The following AP1S3 variants were observed in gnomAD, a reference collection of about 807,000 sequenced individuals.
AP1S3 encodes the protein AP-1 complex subunit sigma-3.
A neutral mutation model predicts 20.9 loss-of-function variants in AP1S3; 10 were observed. That is an observed-to-expected ratio of 0.48 (90% CI 0.29 to 0.81). AP1S3 has a LOEUF of 0.81. Among genes scored for constraint, AP1S3 ranks in the 30% least tolerant of loss-of-function variants. The probability of loss-of-function intolerance (pLI) is 0.08; values close to 1 mark genes in which losing one functional copy is unlikely to be tolerated. For missense variants in AP1S3, 154 were observed against 183.8 expected (o/e 0.84, Z 0.94); for synonymous variants, 41 against 61.5 (o/e 0.67, Z 1.56).
At chr2:223,829,846 CAAAAAAAAA>C (rs747229566) in intron 1 of AP1S3, among the ~76,000 whole-genome samples, 1 of 125,418 alleles carries the variant, frequency 8.0e-6, no homozygotes. Flanking sequence ...CAAAAAAAAA[CAAAAAAAAA>C]ACAAAAAAAC....
chr2:223,835,275 C>T lies in AP1S3; in HGVS notation c.3+2173G>A, dbSNP rs78535385. 9.8e-5 allele frequency among the ~76,000 whole-genome samples: 15 copies of T among 152,336 alleles called. No homozygotes were observed. In the East Asian group the frequency reaches 2.9e-3, roughly 29 times the overall value. ...AATGCAATGAGCATAACAGATTTAA[C>T]CTCAATTGTTTGTTGCAAGGATTGA... On this transcript the variant is annotated intron_variant, in intron 1 of 4. Coordinates refer to ENST00000396654, the MANE Select transcript of AP1S3 (RefSeq NM_001039569.2).
At chr2:223,773,491 C>A in intron 3 of AP1S3, 2 of 901,132 alleles carry the variant, frequency 2.2e-6, no homozygotes, top group Non-Finnish European at 3.0e-6. Flanking sequence ...CTTGGTATAC[C>A]AAGAGGAGAA....
intron 1 of AP1S3, among the ~76,000 whole-genome samples, chr2:223,832,143 G>C (rs1179927702): frequency 0.012 from 763 of 66,156 alleles, 31 homozygotes; most frequent in African/African-American, 0.038. Context: ...CTCTGTGTGT[G>C]TGTGTGTGTG....
At position 223,755,765 on chromosome 2, in the gene AP1S3, A is replaced by G; in HGVS notation, c.*2950T>C. 2.3e-6 allele frequency: 2 copies of G among 857,928 alleles called. No individual in the cohort carries two copies. The highest frequency in any genetic ancestry group is 5.3e-5 in the South Asian group (1 of 18,774). 53.1% of individuals were successfully genotyped at this position (857,928 alleles called of 1,614,324 possible). On this transcript the variant is annotated 3_prime_UTR_variant, in exon 5 of 5. Coordinates refer to ENST00000396654, the MANE Select transcript of AP1S3 (RefSeq NM_001039569.2). ...AGGCTGGTCTCGAACTCCTGACCTC[A>G]GGTGATCTGCCGCCTTGACCTCCCA... is the stretch of plus-strand genomic sequence containing the variant.
At chr2:223,785,420 A>G (rs991441653) in intron 1 of AP1S3, among the ~76,000 whole-genome samples, 1 of 152,236 alleles carries the variant, frequency 6.6e-6, no homozygotes, top group Non-Finnish European at 1.5e-5. Context: ...TTGCAAAAAA[A>G]GATTACATGA....
intron 1 of AP1S3, among the ~76,000 whole-genome samples, chr2:223,809,559 G>A (rs1440416318): frequency 1.3e-5 from 2 of 151,510 alleles, no homozygotes; most frequent in Admixed American, 6.6e-5. Context: ...GCAGAGAATT[G>A]CTTGAACCCG....
At chr2:223,782,357 C>G (rs866716003) in intron 1 of AP1S3, among the ~76,000 whole-genome samples, 1 of 152,080 alleles carries the variant, frequency 6.6e-6, no homozygotes, top group Non-Finnish European at 1.5e-5. Context: ...ACAAAATAAA[C>G]CCAGTTTTAT....
In AP1S3 at chr2:223,759,297, G is replaced by A. The variant is rs79072358; in HGVS notation, c.430-547C>T. On this transcript the variant is annotated intron_variant, in intron 4 of 4. Coordinates refer to ENST00000396654, the MANE Select transcript of AP1S3 (RefSeq NM_001039569.2). ...CCGTCTCAAAAACAAAAAAAAAAAAGAGAGAGAGAGAGAGATTGAAATGCT... is the reference window on the plus strand; with the variant it reads ...CCGTCTCAAAAACAAAAAAAAAAAAAAGAGAGAGAGAGAGATTGAAATGCT... Among the ~76,000 whole-genome samples, 60 of 139,122 alleles carry A rather than the reference G, an allele frequency of 4.3e-4. 1 individual carries two copies. Among genetic ancestry groups the A allele is most frequent in the African/African-American group, 1.2e-3 (45 of 39,044 alleles). 91.3% of individuals were successfully genotyped at this position (139,122 alleles called of 152,430 possible).
chr2:223,776,192 T>C, intron 2 of AP1S3, 183 bp from the exon 3 acceptor site: 1 of 693,674 alleles, frequency 1.4e-6, no homozygotes, highest in Non-Finnish European at 2.7e-6. Context: ...GAAAATTCTG[T>C]GGGGGTTGGA....
chr2:223,776,820 G>C (rs1276691535), intron 2 of AP1S3, among the ~76,000 whole-genome samples: 1 of 152,124 alleles, frequency 6.6e-6, no homozygotes, highest in Non-Finnish European at 1.5e-5. Flanking sequence ...ATCTAGATTT[G>C]AATCCTGGCT....
intron 3 of AP1S3, among the ~76,000 whole-genome samples, chr2:223,767,246 T>A (rs1690508248): frequency 6.6e-6 from 1 of 152,092 alleles, no homozygotes; most frequent in Admixed American, 6.5e-5. Context: ...CGTTTACCTC[T>A]CAGCCACATG....
chr2:223,817,924 A>G (rs993525759), intron 1 of AP1S3, among the ~76,000 whole-genome samples: 6 of 152,092 alleles, frequency 3.9e-5, no homozygotes, highest in Non-Finnish European at 8.8e-5. Flanking sequence ...ACATTCATCA[A>G]TAAAAATGAC....
chr2:223,765,446 G>T (rs193142483), intron 3 of AP1S3, 96 bp from the exon 4 acceptor site: 33 of 1,309,584 alleles, frequency 2.5e-5, no homozygotes, highest in Admixed American at 2.2e-4. Flanking sequence ...CACTCATGTG[G>T]CGTACCAAAA....
At chr2:223,822,832 A>T (rs1414068968) in intron 1 of AP1S3, among the ~76,000 whole-genome samples, 1 of 152,206 alleles carries the variant, frequency 6.6e-6, no homozygotes, top group Non-Finnish European at 1.5e-5. Context: ...TTTACAATCC[A>T]TAAATCCAGT....
intron 1 of AP1S3, among the ~76,000 whole-genome samples, chr2:223,834,589 A>AAAAT (rs1185121810): frequency 1.3e-5 from 2 of 151,876 alleles, no homozygotes; most frequent in East Asian, 1.9e-4. Context: ...GCCTTGTCTC[A>AAAAT]AAATAAATAA....
chr2:223,807,836 T>TA (rs879485213), intron 1 of AP1S3, among the ~76,000 whole-genome samples: 1 of 150,054 alleles, frequency 6.7e-6, no homozygotes, highest in African/African-American at 2.5e-5. Flanking sequence ...TTTTTTTTTT[T>TA]ATGAATTACC....
In AP1S3 at chr2:223,773,463, T is replaced by TA. The variant is rs373568071; in HGVS notation, c.291+2437dup. The TA allele has an allele frequency of 1.4e-3, 1,582 of 1,124,708 alleles. 21 individuals carry two copies. The African/African-American group carries it at 0.022, about 16-fold the overall frequency. 69.7% of individuals were successfully genotyped at this position (1,124,708 alleles called of 1,614,324 possible). ...TATTATACATTTGCAAATTTCTCCT[T>TA]AAAAAAATGAAAATAAACTTGGTAT... On this transcript the variant is annotated intron_variant, in intron 3 of 4. Transcript: ENST00000396654.
chr2:223,817,699 C>T (rs1255455849), intron 1 of AP1S3, among the ~76,000 whole-genome samples: 2 of 151,864 alleles, frequency 1.3e-5, no homozygotes, highest in South Asian at 4.2e-4. Context: ...CTCTGAGTAT[C>T]CGCTGTTGAT....
intron 2 of AP1S3, 48 bp downstream of exon 2, chr2:223,777,643 A>C: frequency 6.4e-7 from 1 of 1,556,438 alleles, no homozygotes; most frequent in Non-Finnish European, 8.7e-7. Flanking sequence ...GGATTAGAAC[A>C]AACCAAAGTA....
Sources: gnomAD v4.1 joint callset for allele counts (sites outside exome capture counted in the v4.1 genomes callset) on GRCh38, gnomAD v4.1.1 for gene constraint, MANE v1.5 for transcripts, NCBI Gene and HGNC (gene_info 2026-07-23, HGNC 2026-07-21) for gene names.